The following ELP1 variants were observed in gnomAD, a reference collection of about 807,000 sequenced individuals.
ELP1 encodes elongator acetyltransferase complex subunit 1.
In ELP1, 131 loss-of-function variants were observed where a neutral mutation model predicts 183.2. The observed-to-expected ratio is 0.72, with a 90% CI of 0.62 to 0.83. The LOEUF (loss-of-function observed/expected upper bound fraction) is 0.83, where lower values mean the gene tolerates loss of function less well. Among genes scored for constraint, ELP1 ranks in the 40% least tolerant of loss-of-function variants. The probability of loss-of-function intolerance (pLI) is 0.00; values close to 1 mark genes in which losing one functional copy is unlikely to be tolerated. For missense variants in ELP1, 1,550 were observed against 1,594.9 expected, an observed-to-expected ratio of 0.97 and a Z score of 0.48; for synonymous variants, 555 against 569.0, an observed-to-expected ratio of 0.98 and a Z score of 0.35.
intron 22 of ELP1, 107 bp from the exon 23 acceptor site, chr9:108,897,392 T>C: frequency 1.7e-6 from 2 of 1,152,120 alleles, no homozygotes; most frequent in East Asian, 2.3e-5. Flanking sequence ...AAATGACTTT[T>C]GGAAAAGAGT....
intron 10 of ELP1, among the ~76,000 whole-genome samples, chr9:108,915,026 C>A (rs938407733): frequency 6.6e-6 from 1 of 152,152 alleles, no homozygotes; most frequent in South Asian, 2.1e-4. Context: ...GTGATTATTA[C>A]GAAGTGGTAG....
rs780649768 is a variant in ELP1 at position 108,874,909 on chromosome 9, G to T, written c.3917C>A (p.Ser1306Ter). 1 of 1,609,982 alleles carries T rather than the reference G, an allele frequency of 6.2e-7. No homozygotes were observed. The highest frequency in any genetic ancestry group is 1.7e-5 in the Admixed American group (1 of 60,004). ...IMASYQQQKT[S>*]VPVLDAELFI... is the part of the protein sequence containing the mutation. ...AAAATACTAACCAAGAACAGGAACC[G>T]AAGTCTTCTGTTGCTGATAAGATGC... The change falls in exon 36 of 37, where the codon TCG (serine) becomes TAG (stop). Residue 1306 changes from serine (S) to a stop codon, truncating the protein, a stop_gained. Coordinates refer to ENST00000374647, the MANE Select transcript of ELP1 (RefSeq NM_003640.5). LOFTEE classifies it high-confidence loss of function.
At chr9:108,878,242 A>G in intron 34 of ELP1, 93 bp from the exon 35 acceptor site, 1 of 1,041,534 alleles carries the variant, frequency 9.6e-7, no homozygotes. Context: ...AAAAATTTCT[A>G]TGATCCCACT....
chr9:108,918,602 C>A (rs1285646922), intron 8 of ELP1, among the ~76,000 whole-genome samples: 1 of 149,944 alleles, frequency 6.7e-6, no homozygotes, highest in Non-Finnish European at 1.5e-5. Flanking sequence ...TGTGAAGAAG[C>A]GTAAAATCTA....
rs2132025155 is a variant in ELP1, at chr9:108,916,241, G to A, written c.921C>T (p.Asp307=). The A allele has an allele frequency of 6.2e-7, 1 of 1,614,152 alleles. No individual in the cohort carries two copies. The highest frequency in any genetic ancestry group is 8.5e-7 in the Non-Finnish European group (1 of 1,179,988). ...GAATGGAGCTTTCTTCTCTCTGAAGGTCTTCCAGCCAGACTGCAAGCACAG... is the reference window on the plus strand; with the variant it reads ...GAATGGAGCTTTCTTCTCTCTGAAGATCTTCCAGCCAGACTGCAAGCACAG... ...DSSVLAVWLE[D]LQREESSIPK... The change falls in exon 10 of 37, where the codon GAC becomes GAT. Residue 307 remains aspartate (D), a synonymous_variant. Transcript: ENST00000374647.
At chr9:108,931,678 T>C (rs1830008129) in intron 1 of ELP1, among the ~76,000 whole-genome samples, 1 of 152,212 alleles carries the variant, frequency 6.6e-6, no homozygotes, top group South Asian at 2.1e-4. Context: ...GTCTATTCAT[T>C]TATAAACTGG....
At chr9:108,878,595 G>A in intron 34 of ELP1, 28 bp downstream of exon 34, 1 of 1,614,052 alleles carries the variant, frequency 6.2e-7, no homozygotes, top group Non-Finnish European at 8.5e-7. Context: ...TTTGTGGTCA[G>A]GAATCATCAT....
rs370311344 is a variant in ELP1 at position 108,908,288 on chromosome 9, G to T, written c.1460+17C>A. ...GCTGATTCTGTTCCCAGAAGCCCAAGATAATTAAGAACCTACTTGTATCTC... is the reference window on the plus strand; with the variant it reads ...GCTGATTCTGTTCCCAGAAGCCCAATATAATTAAGAACCTACTTGTATCTC... On this transcript the variant is annotated intron_variant, in intron 13 of 36. Coordinates refer to ENST00000374647, the MANE Select transcript of ELP1 (RefSeq NM_003640.5). 1.6e-5 allele frequency: 25 copies of T among 1,583,628 alleles called. No homozygotes were observed. Among genetic ancestry groups the T allele is most frequent in the Non-Finnish European group, 2.2e-5 (25 of 1,152,432 alleles).
intron 18 of ELP1, 28 bp from the exon 19 acceptor site, chr9:108,900,403 T>G (rs1342152158): frequency 1.3e-6 from 2 of 1,503,436 alleles, no homozygotes; most frequent in Non-Finnish European, 1.9e-6. Context: ...TAATAAGCCT[T>G]AATTATCACA....
chr9:108,928,580 G>A (rs1334585010), intron 3 of ELP1, among the ~76,000 whole-genome samples: 1 of 152,156 alleles, frequency 6.6e-6, no homozygotes, highest in Non-Finnish European at 1.5e-5. Context: ...ACAATGGGGG[G>A]ATGAGGCTAA....
chr9:108,895,083 C>T (rs1828488535), intron 25 of ELP1, among the ~76,000 whole-genome samples: 1 of 151,852 alleles, frequency 6.6e-6, no homozygotes, highest in African/African-American at 2.4e-5. Context: ...CCCGTCTCAA[C>T]AAAAAAAATT....
chr9:108,899,841 T>C lies in ELP1; in HGVS notation c.2185A>G (p.Ile729Val), dbSNP rs899854364. ...ACTTACTTGTCCAACCACTTCCGAA[T>C]CTGAGCTAAAACCAGGGCTCGATGA... The part of the protein sequence containing the change: ...VHHRALVLAQ[I>V]RKWLDKLMFK... Residue 729 changes from isoleucine (I) to valine (V), a missense_variant, in exon 20 of 37, where the codon ATT (isoleucine) becomes GTT (valine). By Grantham distance (29) the Ile-to-Val change is conservative. Transcript: ENST00000374647. 2.5e-6 allele frequency: 4 copies of C among 1,614,008 alleles called. No homozygotes were observed. In the African/African-American group the frequency reaches 5.3e-5, roughly 22 times the overall value.
chr9:108,884,057 A>T (rs1828030631), intron 29 of ELP1, among the ~76,000 whole-genome samples: 1 of 152,098 alleles, frequency 6.6e-6, no homozygotes, highest in African/African-American at 2.4e-5. Context: ...CAAAATAAAG[A>T]CTACATTCAG....
At chr9:108,882,538 C>T (rs1477699380) in intron 29 of ELP1, among the ~76,000 whole-genome samples, 2 of 151,656 alleles carry the variant, frequency 1.3e-5, no homozygotes, top group Non-Finnish European at 2.9e-5. Context: ...GTTAACAAGA[C>T]CACCCTTTGA....
intron 12 of ELP1, among the ~76,000 whole-genome samples, chr9:108,909,527 G>A (rs1487656435): frequency 1.3e-5 from 2 of 152,198 alleles, no homozygotes; most frequent in Non-Finnish European, 1.5e-5. Context: ...GCCCTGACCT[G>A]TTCCAGTCCA....
chr9:108,868,935 C>T lies in ELP1; in HGVS notation c.*180G>A. ...GTCTTGCTAATGATCAAGATGTATA[C>T]ACAACATAAAATAAATAGAATTGCT... On this transcript the variant is annotated 3_prime_UTR_variant, in exon 37 of 37. Transcript: ENST00000374647. The T allele has an allele frequency of 5.9e-6, 4 of 672,736 alleles. No homozygotes were observed. Among genetic ancestry groups the T allele is most frequent in the Non-Finnish European group, 1.1e-5 (4 of 368,682 alleles). 41.7% of individuals were successfully genotyped at this position (672,736 alleles called of 1,614,324 possible).
Position 108,882,151 on chromosome 9 carries a change from C to A in ELP1, c.3259G>T (p.Ala1087Ser), listed in dbSNP as rs61749203. The A allele has an allele frequency of 6.2e-7, 1 of 1,613,512 alleles. No individual in the cohort carries two copies. The highest frequency in any genetic ancestry group is 1.3e-5 in the African/African-American group (1 of 74,918). ...EEAVLLLLEG[A>S]AWEEALRLVY... is the part of the protein sequence containing the mutation. ...AGCCTCAAAGCTTCTTCCCAGGCAG[C>A]TCCTTCTAACAGCAAGAGCACAGCT... The change falls in exon 30 of 37, where the codon GCT (alanine) becomes TCT (serine). Residue 1087 changes from alanine (A) to serine (S), a missense_variant. Physicochemically the swap from Ala to Ser is moderately conservative, Grantham distance 99 (BLOSUM62 1). Coordinates refer to ENST00000374647, the MANE Select transcript of ELP1 (RefSeq NM_003640.5).
In ELP1 at chr9:108,931,133, T is replaced by C; in HGVS notation, c.14A>G (p.Lys5Arg). The change falls in exon 2 of 37, where the codon AAA (lysine) becomes AGA (arginine). Residue 5 changes from lysine (K) to arginine (R), a missense_variant. Lys to Arg is a conservative substitution (Grantham distance 26). Coordinates refer to ENST00000374647, the MANE Select transcript of ELP1 (RefSeq NM_003640.5). ...CCTGAACTCCAGGGTCCGAAATAAT[T>C]TCAGATTTCGCATGATGAAGTGATT... MRNL[K>R]LFRTLEFRDI... is the part of the protein sequence containing the mutation. 2 of 1,614,060 alleles carry C rather than the reference T, an allele frequency of 1.2e-6. No individual in the cohort carries two copies. Among genetic ancestry groups the C allele is most frequent in the South Asian group, 2.2e-5 (2 of 91,078 alleles).
intron 2 of ELP1, among the ~76,000 whole-genome samples, 165 bp downstream of exon 2, chr9:108,930,832 G>T (rs762380506): frequency 6.6e-6 from 1 of 152,130 alleles, no homozygotes; most frequent in South Asian, 2.1e-4. Flanking sequence ...GAAGGATTAC[G>T]ATTTAAGCTA....
Sources: gnomAD v4.1 joint callset for allele counts (sites outside exome capture counted in the v4.1 genomes callset) on GRCh38, gnomAD v4.1.1 for gene constraint, MANE v1.5 for transcripts, NCBI Gene and HGNC (gene_info 2026-07-23, HGNC 2026-07-21) for gene names.